The following VAT1L variants were observed in gnomAD, a reference collection of about 807,000 sequenced individuals.
VAT1L encodes the protein vesicle amine transport 1 like.
Under a neutral mutation model 44.1 loss-of-function variants are expected in VAT1L, and 34 were observed. That is an observed-to-expected ratio of 0.77 (90% CI 0.59 to 1.03). The LOEUF is 1.03. Ranked by LOEUF, VAT1L falls within the 50% of genes least tolerant of loss-of-function variation. The pLI is 0.00. For synonymous variants in VAT1L, 253 were observed against 202.2 expected, an observed-to-expected ratio of 1.25 and a Z score of -2.13; for missense variants, 615 against 538.8, an observed-to-expected ratio of 1.14 and a Z score of -1.40.
At chr16:77,938,207 C>G (rs1444180855) in intron 7 of VAT1L, among the ~76,000 whole-genome samples, 1 of 152,168 alleles carries the variant, frequency 6.6e-6, no homozygotes, top group South Asian at 2.1e-4. Flanking sequence ...CCCTAATGCA[C>G]AGATGAACTG....
chr16:77,880,486 A>G (rs151006886), intron 6 of VAT1L, among the ~76,000 whole-genome samples: 10 of 150,484 alleles, frequency 6.6e-5, no homozygotes, highest in African/African-American at 2.2e-4. Flanking sequence ...ATATCATTTC[A>G]ACACCCCTTC....
intron 7 of VAT1L, among the ~76,000 whole-genome samples, chr16:77,927,642 C>G (rs879569662): frequency 3.3e-5 from 5 of 152,004 alleles, no homozygotes; most frequent in Non-Finnish European, 7.4e-5. Flanking sequence ...CTTTGGGAGG[C>G]TGAGGTGGGC....
At chr16:77,841,050 A>G (rs2016699256) in intron 3 of VAT1L, among the ~76,000 whole-genome samples, 1 of 152,198 alleles carries the variant, frequency 6.6e-6, no homozygotes, top group Non-Finnish European at 1.5e-5. Context: ...TAACTATTAA[A>G]TCAAATGGCC....
chr16:77,839,527 C>T (rs1288798641), intron 3 of VAT1L, among the ~76,000 whole-genome samples: 1 of 77,014 alleles, frequency 1.3e-5, no homozygotes, highest in African/African-American at 5.8e-5. Flanking sequence ...CAGAGAGATA[C>T]TCCATATCAA....
chr16:77,815,837 G>GT (rs775860515), intron 1 of VAT1L, among the ~76,000 whole-genome samples: 2 of 151,616 alleles, frequency 1.3e-5, no homozygotes, highest in Non-Finnish European at 2.9e-5. Flanking sequence ...GCGAGTTGGT[G>GT]TGCACCTGTA....
intron 7 of VAT1L, among the ~76,000 whole-genome samples, chr16:77,885,560 C>T (rs978505797): frequency 4.6e-5 from 7 of 152,014 alleles, no homozygotes; most frequent in Non-Finnish European, 1.0e-4. Context: ...CGCTAAGAAA[C>T]CTAAGTCAAG....
At chr16:77,817,701 A>G (rs2016380249) in intron 2 of VAT1L, among the ~76,000 whole-genome samples, 1 of 152,152 alleles carries the variant, frequency 6.6e-6, no homozygotes, top group South Asian at 2.1e-4. Context: ...CCATAATAAA[A>G]CCTTTTTTAA....
intron 7 of VAT1L, among the ~76,000 whole-genome samples, chr16:77,955,339 C>G (rs1184113854): frequency 6.6e-6 from 1 of 152,196 alleles, no homozygotes; most frequent in Non-Finnish European, 1.5e-5. Flanking sequence ...GCCAAGGATG[C>G]TGACGAACAT....
At chr16:77,860,082 T>G (rs985759081) in intron 3 of VAT1L, among the ~76,000 whole-genome samples, 1 of 152,000 alleles carries the variant, frequency 6.6e-6, no homozygotes, top group Non-Finnish European at 1.5e-5. Flanking sequence ...GCAGGGAGAA[T>G]AGGCACATCT....
At chr16:77,958,938 T>C (rs990436079) in intron 7 of VAT1L, among the ~76,000 whole-genome samples, 12 of 152,228 alleles carry the variant, frequency 7.9e-5, no homozygotes, top group Non-Finnish European at 1.8e-4. Context: ...TCCTTTATAA[T>C]AGCTGGTTGA....
At chr16:77,829,055 T>G (rs771039173) in intron 3 of VAT1L, among the ~76,000 whole-genome samples, 54 of 152,128 alleles carry the variant, frequency 3.5e-4, no homozygotes, top group Admixed American at 7.9e-4. Context: ...CTGAAGAAAA[T>G]CAAAGTAGCG....
At chr16:77,807,807 A>G (rs979225879) in intron 1 of VAT1L, among the ~76,000 whole-genome samples, 1 of 152,092 alleles carries the variant, frequency 6.6e-6, no homozygotes, top group African/African-American at 2.4e-5. Context: ...CATTGTTGAG[A>G]TGGAAAAACT....
In VAT1L at chr16:77,953,840, T is replaced by A. The variant is rs146437862; in HGVS notation, c.1078-18010T>A. On this transcript the variant is annotated intron_variant, in intron 7 of 8. Transcript: ENST00000302536. ...TGAGCACGTGTATCTCTAGTAGGCA[T>A]TGGTTCACACTAGATCCTGATGTTT... Among the ~76,000 whole-genome samples the A allele has an allele frequency of 7.7e-4, 117 of 152,276 alleles. 1 individual carries two copies. Among genetic ancestry groups the A allele is most frequent in the African/African-American group, 2.7e-3 (114 of 41,554 alleles).
chr16:77,806,442 C>G (rs2016160477), intron 1 of VAT1L, among the ~76,000 whole-genome samples: 1 of 151,250 alleles, frequency 6.6e-6, no homozygotes, highest in South Asian at 2.1e-4. Flanking sequence ...ATTTCCTGAC[C>G]TCGTGATCTG....
At chr16:77,852,031 T>A (rs772572086) in intron 3 of VAT1L, among the ~76,000 whole-genome samples, 5 of 152,156 alleles carry the variant, frequency 3.3e-5, no homozygotes, top group Non-Finnish European at 7.3e-5. Context: ...AGAGCTAGCT[T>A]GCTTTGGGTC....
At chr16:77,809,056 C>G (rs2016217420) in intron 1 of VAT1L, among the ~76,000 whole-genome samples, 2 of 152,190 alleles carry the variant, frequency 1.3e-5, no homozygotes, top group Admixed American at 1.3e-4. Context: ...GAGCCATGAT[C>G]TTTCTCTAGG....
intron 7 of VAT1L, among the ~76,000 whole-genome samples, chr16:77,958,610 A>G (rs2018129068): frequency 1.3e-5 from 2 of 152,196 alleles, no homozygotes; most frequent in South Asian, 4.1e-4. Flanking sequence ...AGTTCAAAAC[A>G]CAATAAGACA....
rs570493796 is a variant in VAT1L, at chr16:77,951,260, C to G, written c.1078-20590C>G. ...GGTAATTTGTAGTTTTAAAATGACTCAAGGTCCGGGTGTAGTGGCTCACGC... is the reference window on the plus strand; with the variant it reads ...GGTAATTTGTAGTTTTAAAATGACTGAAGGTCCGGGTGTAGTGGCTCACGC... On this transcript the variant is annotated intron_variant, in intron 7 of 8. Coordinates refer to ENST00000302536, the MANE Select transcript of VAT1L (RefSeq NM_020927.3). Among the ~76,000 whole-genome samples the G allele has an allele frequency of 4.5e-3, 692 of 152,310 alleles. 3 individuals carry two copies. Among genetic ancestry groups the G allele is most frequent in the Non-Finnish European group, 8.7e-3 (595 of 68,036 alleles).
intron 6 of VAT1L, among the ~76,000 whole-genome samples, chr16:77,881,576 C>T (rs2017156127): frequency 6.6e-6 from 1 of 152,220 alleles, no homozygotes; most frequent in Admixed American, 6.5e-5. Context: ...TTCATATGCC[C>T]TCAAAGTGCC....
Sources: allele counts gnomAD v4.1 joint callset (sites outside exome capture counted in the v4.1 genomes callset), GRCh38; gene constraint gnomAD v4.1.1; transcripts MANE v1.5; gene names NCBI Gene and HGNC (gene_info 2026-07-23, HGNC 2026-07-21).